Variants in EHMT1 observed in about 807,000 individuals in gnomAD.
EHMT1 encodes the protein histone-lysine N-methyltransferase EHMT1.
A neutral mutation model predicts 147.2 loss-of-function variants in EHMT1; 15 were observed. The ratio of observed to expected loss-of-function variants is 0.10; its 90% CI spans 0.07 to 0.16. EHMT1 has a LOEUF of 0.16. EHMT1 is among the 10% of genes least tolerant of loss of function. The pLI is 1.00. For missense variants in EHMT1, 1,587 were observed against 1,772.4 expected (o/e 0.90, Z 1.88); for synonymous variants, 795 against 709.6 (o/e 1.12, Z -1.91).
chr9:137,766,238 T>C (rs971248389), intron 10 of EHMT1, among the ~76,000 whole-genome samples: 1 of 152,198 alleles, frequency 6.6e-6, no homozygotes, highest in Non-Finnish European at 1.5e-5. Flanking sequence ...ACACCTACAT[T>C]TGTTGTTTAT....
chr9:137,792,972 G>A (rs929969392), intron 16 of EHMT1, among the ~76,000 whole-genome samples: 32 of 152,188 alleles, frequency 2.1e-4, no homozygotes, highest in Admixed American at 9.2e-4. Context: ...GCACTAAACC[G>A]TCCGTAGATG....
chr9:137,783,226 T>C (rs12004293), intron 15 of EHMT1, among the ~76,000 whole-genome samples: 53,205 of 152,042 alleles, frequency 0.35, 9,734 homozygotes, highest in Admixed American at 0.44. Context: ...TGCCCAGGTC[T>C]TCTACCTGTC....
In EHMT1 at chr9:137,731,293, T is replaced by C. The variant is rs1035509136; in HGVS notation, c.823+2764T>C. Among the ~76,000 whole-genome samples, 8 of 152,206 alleles carry C rather than the reference T, an allele frequency of 5.3e-5. No homozygotes were observed. Among genetic ancestry groups the C allele is most frequent in the Admixed American group, 2.0e-4 (3 of 15,286 alleles). ...GCCTGCTGTGGTCCAGTGGTTAAGA[T>C]ACTCCCTCAGCCTCAGCTGCTCCCG... On this transcript the variant is annotated intron_variant, in intron 4 of 26. Coordinates refer to ENST00000460843, the MANE Select transcript of EHMT1 (RefSeq NM_024757.5). This position sits in a 1 kb window ranked among gnomAD's most constrained non-coding sequence, Gnocchi z 4.3.
At chr9:137,706,785 C>T (rs965156898) in intron 1 of EHMT1, among the ~76,000 whole-genome samples, 5 of 151,914 alleles carry the variant, frequency 3.3e-5, no homozygotes, top group Admixed American at 2.6e-4. Context: ...CTGTGCCTGG[C>T]TTCTCCTTTT....
intron 15 of EHMT1, among the ~76,000 whole-genome samples, chr9:137,783,547 C>T (rs1951725627): frequency 6.6e-6 from 1 of 152,188 alleles, no homozygotes; most frequent in Admixed American, 6.6e-5. Context: ...CCTCAAATGC[C>T]CAGTGATTCT....
chr9:137,781,506 G>A lies in EHMT1; in HGVS notation c.2276-785G>A, dbSNP rs547233013. On this transcript the variant is annotated intron_variant, in intron 14 of 26. Coordinates refer to ENST00000460843, the MANE Select transcript of EHMT1 (RefSeq NM_024757.5). ...GGAATGTGTGGTGATGACGGCAGTCGATGTTTCACCTGTGCTGATCGCAGC... is the reference window on the plus strand; with the variant it reads ...GGAATGTGTGGTGATGACGGCAGTCAATGTTTCACCTGTGCTGATCGCAGC... Among the ~76,000 whole-genome samples the A allele has an allele frequency of 7.2e-5, 11 of 152,276 alleles. No homozygotes were observed. The East Asian group carries it at 1.3e-3, about 19-fold the overall frequency.
At chr9:137,714,808 C>G (rs1945063657) in intron 2 of EHMT1, among the ~76,000 whole-genome samples, 1 of 152,066 alleles carries the variant, frequency 6.6e-6, no homozygotes, top group African/African-American at 2.4e-5. Context: ...CTTGGCCTCC[C>G]AAAGTGCTGG....
intron 15 of EHMT1, chr9:137,788,006 A>G: frequency 6.9e-7 from 1 of 1,451,146 alleles, no homozygotes; most frequent in Non-Finnish European, 9.6e-7. Flanking sequence ...GTAAGTGGAG[A>G]GGCCAGGCCC....
At position 137,732,312 on chromosome 9, in the gene EHMT1, C is replaced by T. The variant is rs926784568; in HGVS notation, c.823+3783C>T. Among the ~76,000 whole-genome samples, 2 of 152,240 alleles carry T rather than the reference C, an allele frequency of 1.3e-5. No homozygotes were observed. Among genetic ancestry groups the T allele is most frequent in the Non-Finnish European group, 2.9e-5 (2 of 68,036 alleles). On this transcript the variant is annotated intron_variant, in intron 4 of 26. Coordinates refer to ENST00000460843, the MANE Select transcript of EHMT1 (RefSeq NM_024757.5). This position sits in a 1 kb window ranked among gnomAD's most constrained non-coding sequence, Gnocchi z 4.6. ...TGTCACTGCCTGCAGCTCAGTGAAC[C>T]GGCCAGGAACATGTTACAGCCCTTT...
intron 6 of EHMT1, among the ~76,000 whole-genome samples, chr9:137,749,694 A>C (rs1215444753): frequency 6.6e-6 from 1 of 152,214 alleles, no homozygotes; most frequent in Non-Finnish European, 1.5e-5. Flanking sequence ...TCTTATGCAC[A>C]GTGATCAAGC....
rs572264677 is a variant in EHMT1, at chr9:137,711,342, G to A, written c.85+312G>A. Among the ~76,000 whole-genome samples the A allele has an allele frequency of 8.4e-4, 128 of 152,284 alleles. No homozygotes were observed. In the Middle Eastern group the frequency reaches 0.017, roughly 20 times the overall value. ...TTTATAGCAGCATTGTCACGTCGCC[G>A]AAAACCGGAGACACTCCGGTGTCCT... On this transcript the variant is annotated intron_variant, in intron 2 of 26. Coordinates refer to ENST00000460843, the MANE Select transcript of EHMT1 (RefSeq NM_024757.5).
At chr9:137,754,931 A>C (rs949975212) in intron 8 of EHMT1, among the ~76,000 whole-genome samples, 4 of 152,192 alleles carry the variant, frequency 2.6e-5, no homozygotes, top group African/African-American at 9.7e-5. Flanking sequence ...GCGGCCCCTC[A>C]GTGAGGCACC....
intron 1 of EHMT1, among the ~76,000 whole-genome samples, chr9:137,681,901 G>A (rs1027803658): frequency 7.9e-5 from 12 of 152,200 alleles, no homozygotes; most frequent in African/African-American, 2.2e-4. Context: ...TCACTGATGC[G>A]GGAAGCTCTC....
At chr9:137,742,722 T>G (rs1446879101) in intron 4 of EHMT1, among the ~76,000 whole-genome samples, 1 of 152,204 alleles carries the variant, frequency 6.6e-6, no homozygotes, top group Non-Finnish European at 1.5e-5. Flanking sequence ...TATCTTTTAA[T>G]AGAGAGCTGG....
intron 26 of EHMT1, 37 bp from the exon 27 acceptor site, chr9:137,834,736 G>A (rs751869165): frequency 1.2e-6 from 2 of 1,613,328 alleles, no homozygotes; most frequent in Admixed American, 3.3e-5. Context: ...GTGCCGGTGG[G>A]ATTCGACTTG....
intron 1 of EHMT1, among the ~76,000 whole-genome samples, chr9:137,680,419 G>A (rs1941826504): frequency 6.6e-6 from 1 of 152,194 alleles, no homozygotes; most frequent in Non-Finnish European, 1.5e-5. Flanking sequence ...GTTGCAGTGG[G>A]CTGAAATTGT....
intron 4 of EHMT1, among the ~76,000 whole-genome samples, chr9:137,737,145 G>A (rs1359324014): frequency 1.3e-5 from 2 of 152,160 alleles, no homozygotes; most frequent in Non-Finnish European, 2.9e-5. Context: ...CCAGAAGGTC[G>A]AGGCTGCAGT....
At chr9:137,767,821 A>G (rs1191214197) in intron 10 of EHMT1, among the ~76,000 whole-genome samples, 2 of 152,208 alleles carry the variant, frequency 1.3e-5, no homozygotes, top group African/African-American at 4.8e-5. Context: ...TCAAATTAAA[A>G]AAAAATTAAA....
rs1004733018 is a variant in EHMT1 at position 137,664,391 on chromosome 9, C to G, written c.21+45342C>G. Among the ~76,000 whole-genome samples the G allele has an allele frequency of 4.6e-5, 7 of 151,018 alleles. No individual in the cohort carries two copies. In the East Asian group the frequency reaches 1.2e-3, roughly 25 times the overall value. ...ACTGCAACCTCAGCCTTTCAAGTAG[C>G]TGGGATTACAGGTGCCCTCCACCAC... On this transcript the variant is annotated intron_variant, in intron 1 of 26. Transcript: ENST00000460843.
Sources: gnomAD v4.1 joint callset for allele counts (sites outside exome capture counted in the v4.1 genomes callset) on GRCh38, gnomAD v4.1.1 for gene constraint, Gnocchi (gnomAD v3.1) non-coding constraint, MANE v1.5 for transcripts, NCBI Gene and HGNC (gene_info 2026-07-23, HGNC 2026-07-21) for gene names.